SLC7A6: variants seen among roughly 807,000 people sequenced by gnomAD.
SLC7A6 encodes the protein Y+L amino acid transporter 2.
SLC7A6 carries 29 observed loss-of-function variants against 46.6 expected under a neutral mutation model. That is an observed-to-expected ratio of 0.62 (90% CI 0.46 to 0.85). The LOEUF is 0.85. SLC7A6 is among the 40% of genes least tolerant of loss of function. The pLI is 0.00. For synonymous variants in SLC7A6, 276 were observed against 257.3 expected, an observed-to-expected ratio of 1.07 and a Z score of -0.70; for missense variants, 527 against 647.6, an observed-to-expected ratio of 0.81 and a Z score of 2.02.
intron 3 of SLC7A6, among the ~76,000 whole-genome samples, chr16:68,277,372 C>T (rs1036711073): frequency 3.5e-5 from 5 of 142,404 alleles, no homozygotes; most frequent in African/African-American, 1.3e-4. Context: ...CTTGCTCTGT[C>T]GCCCAGGCTG....
intron 2 of SLC7A6, among the ~76,000 whole-genome samples, chr16:68,268,875 C>G (rs868424534): frequency 6.6e-6 from 1 of 151,994 alleles, no homozygotes; most frequent in East Asian, 1.9e-4. Flanking sequence ...GGTGTGGTGG[C>G]GCATGCCTGT....
intron 3 of SLC7A6, among the ~76,000 whole-genome samples, chr16:68,277,064 C>T (rs2042724277): frequency 6.6e-6 from 1 of 151,656 alleles, no homozygotes; most frequent in Non-Finnish European, 1.5e-5. Flanking sequence ...ACTCTTAAGT[C>T]ATCCAAAATC....
rs2043129930 is a variant in SLC7A6 at position 68,294,801 on chromosome 16, T to C, written c.1119T>C (p.Asn373=). 1 of 1,609,844 alleles carries C rather than the reference T, an allele frequency of 6.2e-7. No homozygotes were observed. Among genetic ancestry groups the C allele is most frequent in the East Asian group, 2.2e-5 (1 of 44,854 alleles). Residue 373 remains asparagine, a splice_region_variant and synonymous_variant, in exon 8 of 11, where the codon AAT becomes AAC. Transcript: ENST00000219343. ...CACCTATCCCTGCTTTACTGTTCAA[T>C]GTAAGCTTTGCTGGGACCACGGGGC... is the stretch of plus-strand genomic sequence containing the variant. ...RFTPIPALLF[N]CTMALIYLIV... is the part of the protein sequence containing the mutation.
Position 68,274,692 on chromosome 16 carries a change from C to A in SLC7A6, c.-35C>A, listed in dbSNP as rs1189285354. 2 of 1,609,628 alleles carry A rather than the reference C, an allele frequency of 1.2e-6. No individual in the cohort carries two copies. On this transcript the variant is annotated splice_region_variant and 5_prime_UTR_variant, in exon 3 of 11. Transcript: ENST00000219343. ...TGACATACTTGTATTCTTTGCCAGG[C>A]CACAGCAAACACAGGTGTGCAGGAA...
At chr16:68,269,393 A>G (rs2042587054) in intron 2 of SLC7A6, among the ~76,000 whole-genome samples, 1 of 152,084 alleles carries the variant, frequency 6.6e-6, no homozygotes, top group Non-Finnish European at 1.5e-5. Context: ...TTATTTTGGG[A>G]ACTGGGTACA....
intron 3 of SLC7A6, among the ~76,000 whole-genome samples, chr16:68,283,023 C>T (rs1222224920): frequency 2.6e-5 from 4 of 152,164 alleles, no homozygotes; most frequent in Non-Finnish European, 5.9e-5. Context: ...GGAAGGTTTC[C>T]CTCCGCTCTC....
chr16:68,283,469 A>G (rs2042865618), intron 3 of SLC7A6, among the ~76,000 whole-genome samples: 1 of 152,220 alleles, frequency 6.6e-6, no homozygotes, highest in Non-Finnish European at 1.5e-5. Flanking sequence ...ATATTTGCAT[A>G]CATCCCGGGA....
Position 68,296,353 on chromosome 16 carries a change from C to G in SLC7A6, c.1120-11C>G, listed in dbSNP as rs2043165608. The G allele has an allele frequency of 2.5e-6, 4 of 1,613,692 alleles. No individual in the cohort carries two copies. The highest frequency in any genetic ancestry group is 3.4e-6 in the Non-Finnish European group (4 of 1,180,014). ...ACGATGCTCACCTGTCTCCCCACCC[C>G]TTTCCCACAGTGCACCATGGCACTC... On this transcript the variant is annotated splice_polypyrimidine_tract_variant and intron_variant, in intron 8 of 10. Coordinates refer to ENST00000219343, the MANE Select transcript of SLC7A6 (RefSeq NM_003983.6).
At position 68,274,844 on chromosome 16, in the gene SLC7A6, C is replaced by A; in HGVS notation, c.118C>A (p.Gln40Lys). 4 of 1,614,202 alleles carry A rather than the reference C, an allele frequency of 2.5e-6. No homozygotes were observed. The highest frequency in any genetic ancestry group is 2.5e-6 in the Non-Finnish European group (3 of 1,180,034). The change falls in exon 3 of 11, where the codon CAG becomes AAG. Residue 40 changes from glutamine to lysine, a missense_variant. Coordinates refer to ENST00000219343, the MANE Select transcript of SLC7A6 (RefSeq NM_003983.6). ...ACCTCAAAGGTCCTCCGAAACTATG[C>A]AGCTGAAGAAGGAGATCTCCCTGCT... is the stretch of plus-strand genomic sequence containing the variant. ...SPPQRSSETM[Q>K]LKKEISLLNG... is the part of the protein sequence containing the mutation.
intron 5 of SLC7A6, 22 bp from the exon 6 acceptor site, chr16:68,291,187 C>T (rs760812127): frequency 7.4e-6 from 12 of 1,614,112 alleles, no homozygotes; most frequent in Non-Finnish European, 1.0e-5. Context: ...TCTAGGTAGT[C>T]CTTTCTCACT....
At chr16:68,271,798 A>C (rs1596969302) in intron 2 of SLC7A6, among the ~76,000 whole-genome samples, 1 of 147,240 alleles carries the variant, frequency 6.8e-6, no homozygotes. Flanking sequence ...TAACAATTGC[A>C]TTTTTCTTTT....
chr16:68,293,214 G>A (rs577589507), intron 7 of SLC7A6, among the ~76,000 whole-genome samples: 29 of 152,250 alleles, frequency 1.9e-4, no homozygotes, highest in African/African-American at 6.7e-4. Context: ...TCAGGAGTTC[G>A]AGACCAGCCT....
At chr16:68,283,895 G>T (rs534907626) in intron 3 of SLC7A6, among the ~76,000 whole-genome samples, 2 of 152,190 alleles carry the variant, frequency 1.3e-5, no homozygotes, top group East Asian at 1.9e-4. Flanking sequence ...GGTAAGCTAG[G>T]GGGGCTGGGA....
At chr16:68,283,517 AGGCTG>A (rs1368555808) in intron 3 of SLC7A6, among the ~76,000 whole-genome samples, 2 of 152,168 alleles carry the variant, frequency 1.3e-5, no homozygotes, top group Admixed American at 1.3e-4. Flanking sequence ...CCTGCAGGAG[AGGCTG>A]GGCAATGTCA....
In SLC7A6 at chr16:68,296,462, T is replaced by C. The variant is rs1318084415; in HGVS notation, c.1218T>C (p.Val406=). The C allele has an allele frequency of 1.2e-6, 2 of 1,614,064 alleles. No homozygotes were observed. The highest frequency in any genetic ancestry group is 2.7e-5 in the African/African-American group (2 of 74,934). Reference sequence around the variant, plus strand: ...GGTTCTTCGTGGGCCTGTCTGTTGTTGGACAGCTCTACCTCCGCTGGAAGG... The same window carrying C: ...GGTTCTTCGTGGGCCTGTCTGTTGTCGGACAGCTCTACCTCCGCTGGAAGG... ...SYWFFVGLSV[V]GQLYLRWKEP... is the part of the protein sequence containing the mutation. The change falls in exon 9 of 11, where the codon GTT becomes GTC. Residue 406 remains valine (V), a synonymous_variant. Transcript: ENST00000219343.
chr16:68,285,612 C>T (rs1055351337), intron 3 of SLC7A6, among the ~76,000 whole-genome samples: 1 of 152,186 alleles, frequency 6.6e-6, no homozygotes, highest in Non-Finnish European at 1.5e-5. Flanking sequence ...AGCCATTGAG[C>T]CTGGCACCTG....
intron 3 of SLC7A6, among the ~76,000 whole-genome samples, chr16:68,280,382 C>T (rs1284865905): frequency 6.6e-6 from 1 of 152,216 alleles, no homozygotes; most frequent in East Asian, 1.9e-4. Flanking sequence ...AGGGCAGAGG[C>T]TGCCAGCTGG....
At position 68,282,852 on chromosome 16, in the gene SLC7A6, T is replaced by G. The variant is rs940479444; in HGVS notation, c.524-4894T>G. ...CCAGGCTAGTCTCAAACCCTTGACC[T>G]TGTGATTTGCCCGCCTCGGCCTCCC... On this transcript the variant is annotated intron_variant, in intron 3 of 10. Transcript: ENST00000219343. Among the ~76,000 whole-genome samples, 8 of 152,194 alleles carry G rather than the reference T, an allele frequency of 5.3e-5. No individual in the cohort carries two copies. In the South Asian group the frequency reaches 6.2e-4, roughly 12 times the overall value.
intron 3 of SLC7A6, 44 bp downstream of exon 3, chr16:68,275,293 T>C: frequency 2.3e-6 from 3 of 1,314,746 alleles, no homozygotes; most frequent in Non-Finnish European, 2.1e-6. Context: ...GGGTGGGGGG[T>C]ACTATAATAA....
Sources: allele counts gnomAD v4.1 joint callset (sites outside exome capture counted in the v4.1 genomes callset), GRCh38; gene constraint gnomAD v4.1.1; transcripts MANE v1.5; gene names NCBI Gene and HGNC (gene_info 2026-07-23, HGNC 2026-07-21).